The following RRBP1 variants were observed in gnomAD, a reference collection of about 807,000 sequenced individuals.
The protein encoded by RRBP1 is ribosome binding protein 1.
RRBP1 carries 94 observed loss-of-function variants against 165.2 expected under a neutral mutation model. That is an observed-to-expected ratio of 0.57 (90% CI 0.48 to 0.68). The LOEUF (loss-of-function observed/expected upper bound fraction) is 0.68. Ranked by LOEUF, RRBP1 falls within the 30% of genes least tolerant of loss-of-function variation. The pLI is 0.00. For missense variants in RRBP1, 1,676 were observed against 1,763.0 expected (o/e 0.95, Z 0.88); for synonymous variants, 680 against 714.5 (o/e 0.95, Z 0.77).
Position 17,626,266 on chromosome 20 carries a change from C to T in RRBP1, c.2964-664G>A, listed in dbSNP as rs376387085. 7.2e-5 allele frequency among the ~76,000 whole-genome samples: 11 copies of T among 152,338 alleles called. No individual in the cohort carries two copies. In the East Asian group the frequency reaches 2.1e-3, roughly 29 times the overall value. On this transcript the variant is annotated intron_variant, in intron 11 of 24. Coordinates refer to ENST00000377813, the MANE Select transcript of RRBP1 (RefSeq NM_001365613.2). ...ATTATCCTAGTAATATGCTGTGTGG[C>T]CCAAGAATCTGATCTTAAAACACAA...
At chr20:17,646,565 A>G (rs2036466070) in intron 3 of RRBP1, among the ~76,000 whole-genome samples, 1 of 152,216 alleles carries the variant, frequency 6.6e-6, no homozygotes, top group African/African-American at 2.4e-5. Context: ...GTGGCTGAAA[A>G]GAGTAAGTTG....
At position 17,636,673 on chromosome 20, in the gene RRBP1, C is replaced by A; in HGVS notation, c.2241G>T (p.Gln747His). ...TGATCTCCTGCTCCCGGGCCACCAG[C>A]TGCTTTTTCACTTTGGCCTCCCCGG... is the stretch of plus-strand genomic sequence containing the variant. ...AAAGEAKVKK[Q>H]LVAREQEITA... The change falls in exon 6 of 25, where the codon CAG (glutamine) becomes CAT (histidine). Residue 747 changes from glutamine to histidine, a missense_variant. This residue lies in a region of RRBP1 where 1,184 missense variants were observed against 1,167.1 expected (regional missense o/e 1.01). Transcript: ENST00000377813. 6.2e-7 allele frequency: 1 copy of A among 1,613,410 alleles called. No homozygotes were observed. The highest frequency in any genetic ancestry group is 8.5e-7 in the Non-Finnish European group (1 of 1,180,034).
At chr20:17,655,292 A>G (rs1943852835) in intron 3 of RRBP1, among the ~76,000 whole-genome samples, 1 of 152,242 alleles carries the variant, frequency 6.6e-6, no homozygotes, top group Admixed American at 6.5e-5. Context: ...TGAGGATAAC[A>G]GGAGTGGGCC....
intron 13 of RRBP1, 24 bp downstream of exon 13, chr20:17,624,542 CATGGTGGGGG>C: frequency 6.9e-7 from 1 of 1,442,820 alleles, no homozygotes; most frequent in Non-Finnish European, 9.6e-7. Flanking sequence ...GTGCACTTTC[CATGGTGGGGG>C]TGTGAGTGTG....
chr20:17,681,445 C>G (rs1238632152), intron 1 of RRBP1, among the ~76,000 whole-genome samples: 3 of 147,822 alleles, frequency 2.0e-5, no homozygotes, highest in Admixed American at 6.7e-5. Flanking sequence ...CCCAGCCCCG[C>G]GAAGCGCCAG....
At chr20:17,677,201 GCCTAACAGACCTTGTTTGCTTATAC>G (rs898294346) in intron 2 of RRBP1, among the ~76,000 whole-genome samples, 15 of 152,170 alleles carry the variant, frequency 9.9e-5, no homozygotes, top group Non-Finnish European at 1.8e-4. Context: ...TCTCAAGACA[GCCTAACAGACCTTGTTTGCTTATAC>G]CCTAACAGAC....
intron 22 of RRBP1, 62 bp downstream of exon 22, chr20:17,615,864 T>G: frequency 7.0e-7 from 1 of 1,424,036 alleles, no homozygotes; most frequent in Non-Finnish European, 9.8e-7. Flanking sequence ...GACCCACTCA[T>G]TCCCTGGAGA....
chr20:17,619,749 G>A (rs371985096), intron 18 of RRBP1, 21 bp from the exon 19 acceptor site: 13 of 1,553,712 alleles, frequency 8.4e-6, no homozygotes, highest in African/African-American at 5.4e-5. Flanking sequence ...GCACAGACAC[G>A]CACACGCATG....
At chr20:17,637,361 G>A (rs1689947540) in intron 5 of RRBP1, among the ~76,000 whole-genome samples, 1 of 152,172 alleles carries the variant, frequency 6.6e-6, no homozygotes, top group Admixed American at 6.5e-5. Flanking sequence ...GGCTGGCCAT[G>A]GTCTGTGTCA....
chr20:17,658,458 G>T, intron 3 of RRBP1, 138 bp downstream of exon 3: 1 of 724,168 alleles, frequency 1.4e-6, no homozygotes, highest in Non-Finnish European at 2.2e-6. Flanking sequence ...GAAGGCCACT[G>T]AATTTTTTTT....
At chr20:17,620,637 G>T in intron 17 of RRBP1, 78 bp downstream of exon 17, 2 of 1,120,662 alleles carry the variant, frequency 1.8e-6, no homozygotes, top group East Asian at 2.4e-5. Flanking sequence ...TCTCACAGGT[G>T]ACAGAGACAA....
At chr20:17,638,641 G>A (rs778593002) in intron 5 of RRBP1, among the ~76,000 whole-genome samples, 6 of 152,062 alleles carry the variant, frequency 3.9e-5, no homozygotes, top group Non-Finnish European at 8.8e-5. Flanking sequence ...AGAGACCCAG[G>A]GTTCCTTCTG....
chr20:17,626,441 C>T (rs1043461259), intron 11 of RRBP1, among the ~76,000 whole-genome samples: 1 of 152,318 alleles, frequency 6.6e-6, no homozygotes, highest in African/African-American at 2.4e-5. Context: ...GTCCCCAAGC[C>T]GCAGAGCCCA....
intron 13 of RRBP1, 69 bp downstream of exon 13, chr20:17,624,507 C>T (rs377226961): frequency 2.5e-5 from 26 of 1,024,102 alleles, no homozygotes; most frequent in Middle Eastern, 2.0e-4. Context: ...TGCATCTGTA[C>T]GTCTTAGTGC....
chr20:17,624,495 A>G, intron 13 of RRBP1, 81 bp downstream of exon 13: 1 of 906,472 alleles, frequency 1.1e-6, no homozygotes, highest in Non-Finnish European at 1.8e-6. Flanking sequence ...CTGGTGTCCT[A>G]GTGCATCTGT....
chr20:17,641,975 C>T, intron 4 of RRBP1, 56 bp from the exon 5 acceptor site: 1 of 1,574,638 alleles, frequency 6.4e-7, no homozygotes, highest in South Asian at 1.1e-5. Context: ...TGGCTCATCC[C>T]CTGACCCCGG....
intron 1 of RRBP1, among the ~76,000 whole-genome samples, 172 bp downstream of exon 1, chr20:17,681,856 T>C (rs1279492499): frequency 6.8e-6 from 1 of 147,890 alleles, no homozygotes; most frequent in African/African-American, 2.5e-5. Flanking sequence ...CCGCCCCGAG[T>C]CCGACCCCGA....
intron 23 of RRBP1, 31 bp downstream of exon 23, chr20:17,615,400 A>G (rs1174905345): frequency 3.2e-6 from 5 of 1,557,786 alleles, no homozygotes; most frequent in Non-Finnish European, 4.4e-6. Flanking sequence ...CAGACCCTCC[A>G]GGTGTGACCC....
chr20:17,620,550 T>G lies in RRBP1; in HGVS notation c.3507+165A>C, dbSNP rs535655323. ...AGTGTCTTCCTAGGCGGGGGCCTCCTGGAGGACGGACTGAGCTGTCATCCC... is the reference window on the plus strand; with the variant it reads ...AGTGTCTTCCTAGGCGGGGGCCTCCGGGAGGACGGACTGAGCTGTCATCCC... On this transcript the variant is annotated intron_variant, in intron 17 of 24. Transcript: ENST00000377813. 2.9e-5 allele frequency: 23 copies of G among 804,048 alleles called. No individual in the cohort carries two copies. In the East Asian group the frequency reaches 5.5e-4, roughly 19 times the overall value. 49.8% of individuals were successfully genotyped at this position (804,048 alleles called of 1,614,324 possible). A position where few individuals can be genotyped will look rare whatever the true frequency, so the allele number is the denominator to read the frequency against.
Sources: allele counts gnomAD v4.1 joint callset (sites outside exome capture counted in the v4.1 genomes callset), GRCh38; gene constraint gnomAD v4.1.1; regional missense constraint gnomAD v4.1.1; transcripts MANE v1.5; gene names NCBI Gene and HGNC (gene_info 2026-07-23, HGNC 2026-07-21).